The following SEMA6D variants were observed in gnomAD, a reference collection of about 807,000 sequenced individuals.
SEMA6D encodes the protein semaphorin-6D.
A neutral mutation model predicts 106.6 loss-of-function variants in SEMA6D; 35 were observed. The observed-to-expected ratio is 0.33, with a 90% CI of 0.25 to 0.44. The LOEUF is 0.44. Among genes scored for constraint, SEMA6D ranks in the 20% least tolerant of loss-of-function variants. The pLI is 1.00. For missense variants in SEMA6D, 1,185 were observed against 1,345.9 expected, an observed-to-expected ratio of 0.88 and a Z score of 1.87; for synonymous variants, 499 against 487.7, an observed-to-expected ratio of 1.02 and a Z score of -0.31.
chr15:47,677,177 C>T (rs932554027), intron 4 of SEMA6D, among the ~76,000 whole-genome samples: 10 of 152,074 alleles, frequency 6.6e-5, no homozygotes, highest in South Asian at 2.1e-4. Flanking sequence ...TACCAGTCTG[C>T]GACCTGGAGG....
intron 1 of SEMA6D, among the ~76,000 whole-genome samples, chr15:47,348,727 C>CCACACACACAGAGAG (rs1555425939): frequency 8.8e-5 from 5 of 57,118 alleles, no homozygotes; most frequent in African/African-American, 2.5e-4. Context: ...ACCACACACA[C>CCACACACACAGAGAG]AGAGAGAGAG....
intron 1 of SEMA6D, among the ~76,000 whole-genome samples, chr15:47,256,885 C>T (rs556852688): frequency 4.9e-4 from 75 of 151,992 alleles, no homozygotes; most frequent in African/African-American, 1.8e-3. Context: ...ATAAAAAATG[C>T]TAAAATATTG....
At chr15:47,566,275 G>A (rs1343942758) in intron 3 of SEMA6D, among the ~76,000 whole-genome samples, 3 of 152,224 alleles carry the variant, frequency 2.0e-5, no homozygotes, top group Non-Finnish European at 2.9e-5. Flanking sequence ...TGCTTTGACA[G>A]ATTCATGCTA....
chr15:47,485,357 T>C (rs548863600), intron 3 of SEMA6D, among the ~76,000 whole-genome samples: 49 of 152,274 alleles, frequency 3.2e-4, no homozygotes, highest in African/African-American at 1.1e-3. Flanking sequence ...TGAGAAGTAG[T>C]TAATATTTCA....
At chr15:47,610,675 T>A (rs1024496430) in intron 4 of SEMA6D, among the ~76,000 whole-genome samples, 1 of 152,220 alleles carries the variant, frequency 6.6e-6, no homozygotes, top group Non-Finnish European at 1.5e-5. Context: ...TTAGTCTTGG[T>A]ACCATTTTTC....
intron 3 of SEMA6D, among the ~76,000 whole-genome samples, chr15:47,545,497 C>T (rs1418013555): frequency 2.0e-5 from 3 of 152,118 alleles, no homozygotes; most frequent in African/African-American, 7.2e-5. Context: ...TGAGACATCA[C>T]ATTTTCTTGA....
intron 2 of SEMA6D, among the ~76,000 whole-genome samples, chr15:47,447,058 CT>C (rs1475430655): frequency 1.3e-5 from 2 of 152,114 alleles, no homozygotes; most frequent in African/African-American, 4.8e-5. Flanking sequence ...GGGCACACCC[CT>C]GCCATATCCA....
chr15:47,274,809 A>G (rs1014415638), intron 1 of SEMA6D: 1 of 152,110 alleles, frequency 6.6e-6, no homozygotes, highest in Non-Finnish European at 1.5e-5. Context: ...AGCCTCCTGG[A>G]CCATTCATAT....
At chr15:47,588,502 A>AT (rs2076382202) in intron 3 of SEMA6D, among the ~76,000 whole-genome samples, 2 of 152,184 alleles carry the variant, frequency 1.3e-5, no homozygotes. Flanking sequence ...CCGTAAAAAA[A>AT]GAGTCATTAC....
chr15:47,688,396 T>C (rs1361206264), intron 4 of SEMA6D, among the ~76,000 whole-genome samples: 1 of 152,220 alleles, frequency 6.6e-6, no homozygotes, highest in Non-Finnish European at 1.5e-5. Flanking sequence ...ATGTTCAATC[T>C]AAATACAAGA....
intron 1 of SEMA6D, among the ~76,000 whole-genome samples, chr15:47,329,441 A>G (rs769187922): frequency 2.0e-5 from 3 of 152,228 alleles, no homozygotes; most frequent in Admixed American, 2.0e-4. Context: ...ATAGAAATAG[A>G]TGAGAAACTA....
At chr15:47,753,812 A>G (rs1189903989) in intron 1 of SEMA6D, among the ~76,000 whole-genome samples, 1 of 152,160 alleles carries the variant, frequency 6.6e-6, no homozygotes, top group East Asian at 1.9e-4. Flanking sequence ...TCATCGGGAA[A>G]CTAAAAGGAA....
At chr15:47,254,352 T>TAA (rs1555411093) in intron 1 of SEMA6D, among the ~76,000 whole-genome samples, 22 of 147,964 alleles carry the variant, frequency 1.5e-4, no homozygotes, top group Non-Finnish European at 2.8e-4. Context: ...TATATATATA[T>TAA]AAATGATTGT....
exon 1 of SEMA6D, chr15:47,184,173 C>G (rs1349650086): frequency 6.6e-6 from 1 of 152,640 alleles, no homozygotes; most frequent in East Asian, 1.9e-4. Context: ...TGTGAGGGAG[C>G]GGACGAACCC....
chr15:47,252,515 AC>A (rs1327937032), intron 1 of SEMA6D, among the ~76,000 whole-genome samples: 1 of 152,126 alleles, frequency 6.6e-6, no homozygotes, highest in Non-Finnish European at 1.5e-5. Flanking sequence ...TCTAACTGTT[AC>A]TTTGTACCCA....
chr15:47,740,787 C>A (rs143891041), intron 1 of SEMA6D, among the ~76,000 whole-genome samples: 3 of 152,188 alleles, frequency 2.0e-5, no homozygotes, highest in African/African-American at 7.2e-5. Context: ...CCCTGCTGCA[C>A]CACTGCCTGG....
At chr15:47,557,648 C>T (rs970264583) in intron 3 of SEMA6D, among the ~76,000 whole-genome samples, 6 of 152,162 alleles carry the variant, frequency 3.9e-5, no homozygotes, top group African/African-American at 1.4e-4. Flanking sequence ...AGTAGCTGTA[C>T]ACTTCACAGA....
intron 3 of SEMA6D, among the ~76,000 whole-genome samples, chr15:47,541,083 G>A (rs1055495753): frequency 6.6e-6 from 1 of 152,128 alleles, no homozygotes; most frequent in Non-Finnish European, 1.5e-5. Context: ...ATACAGAGAG[G>A]CTGTGTTTGA....
intron 3 of SEMA6D, among the ~76,000 whole-genome samples, chr15:47,513,282 TA>T (rs2044288094): frequency 6.6e-6 from 1 of 152,148 alleles, no homozygotes; most frequent in South Asian, 2.1e-4. Context: ...TATATTATAA[TA>T]TTAATATTTA....
Sources: allele counts gnomAD v4.1 joint callset (sites outside exome capture counted in the v4.1 genomes callset), GRCh38; gene constraint gnomAD v4.1.1; transcripts MANE v1.5; gene names NCBI Gene and HGNC (gene_info 2026-07-23, HGNC 2026-07-21).